The following PALM2AKAP2 variants were observed in gnomAD, a reference collection of about 807,000 sequenced individuals.
PALM2AKAP2 encodes PALM2-AKAP2 fusion protein.
A neutral mutation model predicts 71.5 loss-of-function variants in PALM2AKAP2; 37 were observed. The observed-to-expected ratio is 0.52, with a 90% confidence interval of 0.40 to 0.68. The LOEUF is 0.68. Ranked by LOEUF, PALM2AKAP2 falls within the 30% of genes least tolerant of loss-of-function variation. The probability of loss-of-function intolerance (pLI) is 0.00; values close to 1 mark genes in which losing one functional copy is unlikely to be tolerated. For missense variants in PALM2AKAP2, 1,224 were observed against 1,191.8 expected (o/e 1.03, Z -0.40); for synonymous variants, 468 against 478.8 (o/e 0.98, Z 0.29).
chr9:110,067,398 G>A (rs1233923989), intron 1 of PALM2AKAP2, among the ~76,000 whole-genome samples: 5 of 152,178 alleles, frequency 3.3e-5, no homozygotes, highest in African/African-American at 4.8e-5. Flanking sequence ...CAAACACATC[G>A]TCTGGTTGGT....
At chr9:109,686,730 G>A (rs1312264463) in intron 1 of PALM2AKAP2, among the ~76,000 whole-genome samples, 1 of 151,662 alleles carries the variant, frequency 6.6e-6, no homozygotes, top group African/African-American at 2.4e-5. Flanking sequence ...ACAACATGCA[G>A]GTTTGTTACA....
chr9:110,135,189 A>ATATATATATATAT (rs1835831604), intron 1 of PALM2AKAP2, among the ~76,000 whole-genome samples: 1 of 113,338 alleles, frequency 8.8e-6, no homozygotes, highest in Non-Finnish European at 1.8e-5. Flanking sequence ...ATATATATAT[A>ATATATATATATAT]AATCAGCCAG....
chr9:109,973,015 G>A (rs572632266), intron 6 of PALM2AKAP2, among the ~76,000 whole-genome samples: 1 of 152,220 alleles, frequency 6.6e-6, no homozygotes, highest in South Asian at 2.1e-4. Context: ...TAGGCTATAA[G>A]TTGGAATCAA....
chr9:109,923,020 A>G (rs11790499), intron 3 of PALM2AKAP2, among the ~76,000 whole-genome samples: 4,482 of 152,330 alleles, frequency 0.029, 86 homozygotes, highest in South Asian at 0.059. Flanking sequence ...ACTGGTGGTA[A>G]TTATTATCAT....
chr9:110,144,492 C>G (rs1028516022), intron 2 of PALM2AKAP2, among the ~76,000 whole-genome samples: 1 of 152,230 alleles, frequency 6.6e-6, no homozygotes, highest in Non-Finnish European at 1.5e-5. Context: ...ATCCTCCCAA[C>G]AGCCCTCTAA....
intron 1 of PALM2AKAP2, among the ~76,000 whole-genome samples, chr9:109,861,913 A>G (rs1376969212): frequency 6.6e-6 from 1 of 152,216 alleles, no homozygotes; most frequent in African/African-American, 2.4e-5. Context: ...GATATGGACA[A>G]ACAGGAACAC....
At chr9:110,064,954 T>C (rs773546031) in intron 1 of PALM2AKAP2, among the ~76,000 whole-genome samples, 2 of 152,202 alleles carry the variant, frequency 1.3e-5, no homozygotes, top group Non-Finnish European at 2.9e-5. Flanking sequence ...TGTTTCCTCT[T>C]GCTTCCACAG....
chr9:109,998,685 T>C (rs1389163131), intron 6 of PALM2AKAP2, among the ~76,000 whole-genome samples: 1 of 149,320 alleles, frequency 6.7e-6, no homozygotes, highest in African/African-American at 2.5e-5. Flanking sequence ...GAGGATTGCT[T>C]GAGCTCAGGC....
chr9:109,850,131 T>C (rs996217600), intron 1 of PALM2AKAP2, among the ~76,000 whole-genome samples: 2 of 152,120 alleles, frequency 1.3e-5, no homozygotes, highest in Non-Finnish European at 2.9e-5. Flanking sequence ...AGGGATCTCG[T>C]GAGGCTTTGG....
chr9:109,948,640 A>T (rs1831566246), intron 6 of PALM2AKAP2, among the ~76,000 whole-genome samples: 1 of 152,208 alleles, frequency 6.6e-6, no homozygotes, highest in South Asian at 2.1e-4. Context: ...GCCTCTTCAT[A>T]ATCACCTGGG....
chr9:110,031,225 T>C (rs1025050130), intron 7 of PALM2AKAP2, among the ~76,000 whole-genome samples: 3 of 152,088 alleles, frequency 2.0e-5, no homozygotes, highest in African/African-American at 7.2e-5. Flanking sequence ...CAGGTTCAAG[T>C]ATTTCTTGTG....
At chr9:110,137,710 A>G (rs1835921184) in exon 2 of PALM2AKAP2, 1 of 1,614,138 alleles carries the variant, frequency 6.2e-7, no homozygotes, top group Non-Finnish European at 8.5e-7. Context: ...TGGAGACCCT[A>G]TCCAATGATT....
chr9:109,783,294 A>G (rs968574439), intron 1 of PALM2AKAP2, among the ~76,000 whole-genome samples: 2 of 150,020 alleles, frequency 1.3e-5, no homozygotes, highest in African/African-American at 2.5e-5. Flanking sequence ...CAGAAGCAAC[A>G]TCTCTGAAGT....
exon 2 of PALM2AKAP2, chr9:110,138,454 G>A (rs760869185): frequency 6.2e-7 from 1 of 1,614,250 alleles, no homozygotes; most frequent in Non-Finnish European, 8.5e-7. Context: ...TGAAGAGGCA[G>A]AGACAAGTCT....
chr9:110,130,864 G>T (rs75666465), intron 1 of PALM2AKAP2, among the ~76,000 whole-genome samples: 2,852 of 152,268 alleles, frequency 0.019, 91 homozygotes, highest in African/African-American at 0.065. Flanking sequence ...CCACAAATTT[G>T]AACACCACCA....
rs533525455 is a variant in PALM2AKAP2 at position 110,007,815 on chromosome 9, G to A, written c.497-8139G>A. The stretch of plus-strand genomic sequence containing the variant: ...CCTTCAGAAGGAATACCCAAAGATA[G>A]AGGTGAAATTGCCCATTTTTGTACT... On this transcript the variant is annotated intron_variant, in intron 6 of 9. Coordinates refer to the PALM2AKAP2 transcript ENST00000302798. 5.3e-5 allele frequency among the ~76,000 whole-genome samples: 8 copies of A among 152,314 alleles called. No homozygotes were observed. In the South Asian group the frequency reaches 1.7e-3, roughly 32 times the overall value.
chr9:109,677,017 G>A (rs369752109), intron 1 of PALM2AKAP2, among the ~76,000 whole-genome samples: 114 of 152,234 alleles, frequency 7.5e-4, no homozygotes, highest in African/African-American at 2.3e-3. Flanking sequence ...TGAGAGGGCC[G>A]AAATAAGGGT....
intron 1 of PALM2AKAP2, among the ~76,000 whole-genome samples, chr9:110,065,804 T>A (rs1834066540): frequency 6.6e-6 from 1 of 152,240 alleles, no homozygotes; most frequent in South Asian, 2.1e-4. Context: ...TGAAATCACG[T>A]ATTTGTCTTT....
At chr9:109,952,664 G>T (rs1489146656) in intron 6 of PALM2AKAP2, among the ~76,000 whole-genome samples, 1 of 152,230 alleles carries the variant, frequency 6.6e-6, no homozygotes, top group African/African-American at 2.4e-5. Flanking sequence ...GCAGTTGTTT[G>T]TGGAGCTATG....
Sources: allele counts gnomAD v4.1 joint callset (sites outside exome capture counted in the v4.1 genomes callset), GRCh38; gene constraint gnomAD v4.1.1; transcripts MANE v1.5; gene names NCBI Gene and HGNC (gene_info 2026-07-23, HGNC 2026-07-21).